The following MBNL2 variants were observed in gnomAD, a reference collection of about 807,000 sequenced individuals.
MBNL2 encodes the protein muscleblind like splicing regulator 2.
In MBNL2, 17 loss-of-function variants were observed where a neutral mutation model predicts 41.9. That is an observed-to-expected ratio of 0.41 (90% CI 0.28 to 0.61). The LOEUF (loss-of-function observed/expected upper bound fraction) is 0.61, where lower values mean the gene tolerates loss of function less well. Ranked by LOEUF, MBNL2 falls within the 20% of genes least tolerant of loss-of-function variation. The pLI is 0.35. For synonymous variants in MBNL2, 195 were observed against 182.9 expected (o/e 1.07, Z -0.53); for missense variants, 336 against 505.6 (o/e 0.66, Z 3.22).
At chr13:97,213,989 T>A in the MBNL2 span, among the ~76,000 whole-genome samples, 2 of 152,330 alleles carry the variant, frequency 1.3e-5, no homozygotes, top group African/African-American at 4.8e-5. Context: ...CAGGCTCACA[T>A]ACTTCCACTG....
chr13:97,260,071 A>T (rs778953920), intron 1 of MBNL2, among the ~76,000 whole-genome samples: 30 of 152,234 alleles, frequency 2.0e-4, no homozygotes, highest in Non-Finnish European at 8.8e-5. Context: ...TTAAATAATG[A>T]TAAGGACTTT....
intron 1 of MBNL2, among the ~76,000 whole-genome samples, chr13:97,247,770 A>G (rs1351711766): frequency 1.3e-5 from 2 of 152,218 alleles, no homozygotes; most frequent in Non-Finnish European, 2.9e-5. Flanking sequence ...TTTTACTTCA[A>G]ATAGCTTCAT....
At chr13:97,222,232 G>A (rs1417497626), upstream of MBNL2, 1 of 394,140 alleles carries the variant, frequency 2.5e-6, no homozygotes, top group Admixed American at 4.4e-5. Context: ...ATTAGGGCCA[G>A]TTTCAGACGA....
upstream of MBNL2, among the ~76,000 whole-genome samples, chr13:97,218,500 T>G (rs1049015587): frequency 2.0e-5 from 3 of 150,418 alleles, no homozygotes; most frequent in African/African-American, 7.4e-5. Flanking sequence ...GATCTCGAAT[T>G]TATCAAACTG....
At chr13:97,150,716 A>G in the MBNL2 span, among the ~76,000 whole-genome samples, 2 of 152,300 alleles carry the variant, frequency 1.3e-5, no homozygotes, top group South Asian at 4.1e-4. Flanking sequence ...CATGTTGCCC[A>G]GGTTGATCTC....
the MBNL2 span, among the ~76,000 whole-genome samples, chr13:97,190,841 G>C: frequency 2.6e-5 from 4 of 152,244 alleles, no homozygotes; most frequent in South Asian, 2.1e-4. Context: ...ATAGGCACTA[G>C]AATACATCAG....
At chr13:97,160,470 A>G in the MBNL2 span, among the ~76,000 whole-genome samples, 1 of 152,200 alleles carries the variant, frequency 6.6e-6, no homozygotes, top group Non-Finnish European at 1.5e-5. Flanking sequence ...GTTGAACTGC[A>G]TTTAGTTTGT....
rs146561009 is a variant in MBNL2 at position 97,311,668 on chromosome 13, TA to T, written c.175-22599del. Among the ~76,000 whole-genome samples the T allele has an allele frequency of 5.3e-5, 8 of 151,096 alleles. No individual in the cohort carries two copies. In the South Asian group the frequency reaches 6.3e-4, roughly 12 times the overall value. On this transcript the variant is annotated intron_variant, in intron 2 of 8. Transcript: ENST00000679496. Reference sequence around the variant, plus strand: ...GAGGGGATTTTTTTTCTTTTTTTTTTAAAAAAAAACCATGTGTAGATGTGTG... The same window carrying T: ...GAGGGGATTTTTTTTCTTTTTTTTTTAAAAAAAACCATGTGTAGATGTGTG...
the MBNL2 span, among the ~76,000 whole-genome samples, chr13:97,150,915 C>T: frequency 2.0e-5 from 3 of 152,210 alleles, no homozygotes; most frequent in Admixed American, 1.3e-4. Context: ...TTTTGGCCTG[C>T]CCCTAACACA....
At chr13:97,301,303 T>C (rs956260136) in intron 2 of MBNL2, among the ~76,000 whole-genome samples, 1 of 152,140 alleles carries the variant, frequency 6.6e-6, no homozygotes, top group Admixed American at 6.5e-5. Flanking sequence ...GGTACCCTGA[T>C]ATTACAGAGA....
intron 1 of MBNL2, among the ~76,000 whole-genome samples, chr13:97,227,042 A>C (rs80314195): frequency 5.6e-5 from 1 of 18,004 alleles, no homozygotes; most frequent in Non-Finnish European, 1.2e-4. Flanking sequence ...CAGAGTTACA[A>C]AAAAAAAAAA....
At chr13:97,248,731 C>T (rs73555760) in intron 1 of MBNL2, among the ~76,000 whole-genome samples, 3,405 of 152,130 alleles carry the variant, frequency 0.022, 52 homozygotes, top group South Asian at 0.11. Context: ...CTTCTAAAAT[C>T]CTATAAAATC....
chr13:97,315,139 C>G (rs183097081), intron 2 of MBNL2, among the ~76,000 whole-genome samples: 166 of 151,916 alleles, frequency 1.1e-3, no homozygotes, highest in African/African-American at 3.8e-3. Flanking sequence ...TATTTTTTGT[C>G]TTACTGGAAA....
chr13:97,374,063 A>ATTTTTCTTTTTTTTTT (rs2064691568), intron 8 of MBNL2, among the ~76,000 whole-genome samples: 1 of 63,128 alleles, frequency 1.6e-5, no homozygotes, highest in Non-Finnish European at 3.1e-5. Context: ...CCTCCTTTGC[A>ATTTTTCTTTTTTTTTT]TTTTTTTTTT....
At chr13:97,182,199 T>C in the MBNL2 span, among the ~76,000 whole-genome samples, 1 of 152,128 alleles carries the variant, frequency 6.6e-6, no homozygotes, top group African/African-American at 2.4e-5. Context: ...GATGCTGCCT[T>C]GCAATACCTT....
the MBNL2 span, among the ~76,000 whole-genome samples, chr13:97,176,383 T>A: frequency 2.2e-3 from 337 of 152,252 alleles, 4 homozygotes; most frequent in East Asian, 5.8e-4. Context: ...TCCCAGGGGT[T>A]GGGGCAAACT....
chr13:97,198,669 A>G, the MBNL2 span, among the ~76,000 whole-genome samples: 3 of 152,076 alleles, frequency 2.0e-5, no homozygotes, highest in Non-Finnish European at 4.4e-5. Context: ...TCTCATTCGC[A>G]GTAAATGGCA....
chr13:97,200,902 C>T, the MBNL2 span, among the ~76,000 whole-genome samples: 1 of 152,140 alleles, frequency 6.6e-6, no homozygotes, highest in Non-Finnish European at 1.5e-5. Flanking sequence ...ACCCAAGGTC[C>T]TGCAATACTA....
chr13:97,159,264 T>A, the MBNL2 span, among the ~76,000 whole-genome samples: 1 of 151,606 alleles, frequency 6.6e-6, no homozygotes, highest in Non-Finnish European at 1.5e-5. Flanking sequence ...TCTTCCTCCA[T>A]CCTTTTATTT....
Sources: allele counts gnomAD v4.1 joint callset (sites outside exome capture counted in the v4.1 genomes callset), GRCh38; gene constraint gnomAD v4.1.1; transcripts MANE v1.5; gene names NCBI Gene and HGNC (gene_info 2026-07-23, HGNC 2026-07-21).